The following MFSD8 variants were observed in gnomAD, a reference collection of about 807,000 sequenced individuals.
The protein encoded by MFSD8 is major facilitator superfamily domain containing 8.
A neutral mutation model predicts 66.4 loss-of-function variants in MFSD8; 55 were observed. That is an observed-to-expected ratio of 0.83 (90% CI 0.67 to 1.04). The LOEUF (loss-of-function observed/expected upper bound fraction) is 1.04. MFSD8 is among the 50% of genes least tolerant of loss of function. The pLI is 0.00. For synonymous variants in MFSD8, 202 were observed against 212.8 expected, an observed-to-expected ratio of 0.95 and a Z score of 0.44; for missense variants, 550 against 627.6, an observed-to-expected ratio of 0.88 and a Z score of 1.32.
chr4:127,935,511 A>C (rs1011837248), intron 7 of MFSD8, among the ~76,000 whole-genome samples: 3 of 152,240 alleles, frequency 2.0e-5, no homozygotes, highest in African/African-American at 7.2e-5. Flanking sequence ...AACCTCTTTA[A>C]ATTTGAATAG....
intron 2 of MFSD8, among the ~76,000 whole-genome samples, chr4:127,950,649 C>T (rs900234913): frequency 6.6e-6 from 1 of 151,826 alleles, no homozygotes; most frequent in African/African-American, 2.4e-5. Context: ...GCCAACATCG[C>T]ACCACTGCAC....
At chr4:127,945,158 G>C (rs528886161) in intron 3 of MFSD8, among the ~76,000 whole-genome samples, 20 of 152,174 alleles carry the variant, frequency 1.3e-4, no homozygotes, top group African/African-American at 4.6e-4. Flanking sequence ...TCCAGTCTGG[G>C]CAACATAGGA....
intron 9 of MFSD8, among the ~76,000 whole-genome samples, chr4:127,923,552 T>A (rs995021941): frequency 1.5e-5 from 2 of 130,562 alleles, no homozygotes; most frequent in Non-Finnish European, 3.2e-5. Flanking sequence ...TTTATTTTTA[T>A]TTATTATTAT....
intron 3 of MFSD8, 110 bp downstream of exon 3, chr4:127,949,694 T>C: frequency 1.1e-6 from 1 of 906,004 alleles, no homozygotes; most frequent in Non-Finnish European, 1.7e-6. Flanking sequence ...TCATTATTCT[T>C]GTAAAGATTA....
At chr4:127,928,696 C>G (rs1460002918) in intron 9 of MFSD8, among the ~76,000 whole-genome samples, 2 of 152,096 alleles carry the variant, frequency 1.3e-5, no homozygotes, top group Non-Finnish European at 2.9e-5. Flanking sequence ...TTCCTAAAAA[C>G]TTAAAATGGA....
intron 1 of MFSD8, 74 bp from the exon 2 acceptor site, chr4:127,957,666 T>A: frequency 1.0e-6 from 1 of 997,032 alleles, no homozygotes; most frequent in Non-Finnish European, 1.6e-6. Flanking sequence ...ACAGTTTTAT[T>A]CTCTAGTTAT....
chr4:127,939,919 G>A lies in MFSD8; in HGVS notation c.632C>T (p.Thr211Ile), dbSNP rs925670950. 5.6e-6 allele frequency: 9 copies of A among 1,613,228 alleles called. No individual in the cohort carries two copies. The highest frequency in any genetic ancestry group is 3.3e-5 in the Admixed American group (2 of 59,998). Reference protein sequence around the residue: ...DVIKLQINMYTTPVLLSAFLG... With the variant: ...DVIKLQINMYITPVLLSAFLG... ...GAAGGCGCTAAGTAAAACTGGTGTT[G>A]TATACATGTTTATCTGCAGTTTAAT... Residue 211 changes from threonine to isoleucine, a missense_variant, in exon 6 of 12, where the codon ACA becomes ATA. Transcript: ENST00000641686.
At chr4:127,925,398 A>G (rs1427886618) in intron 9 of MFSD8, among the ~76,000 whole-genome samples, 1 of 152,212 alleles carries the variant, frequency 6.6e-6, no homozygotes, top group Non-Finnish European at 1.5e-5. Flanking sequence ...ATTTACAAGA[A>G]AAAAACAACC....
intron 1 of MFSD8, among the ~76,000 whole-genome samples, chr4:127,958,212 G>A (rs747486912): frequency 3.9e-5 from 6 of 152,128 alleles, no homozygotes; most frequent in African/African-American, 7.2e-5. Flanking sequence ...TTGGATAAGC[G>A]TCTGATCTGG....
rs1342328195 is a variant in MFSD8, at chr4:127,947,534, C to T, written c.198+2270G>A. 4.0e-5 allele frequency among the ~76,000 whole-genome samples: 6 copies of T among 149,088 alleles called. No individual in the cohort carries two copies. The Admixed American group carries it at 4.0e-4, about 10-fold the overall frequency. Reference sequence around the variant, plus strand: ...CAGAGATTGCAGCGCACCAAGATCACGCCACTGCATGCCAGCCAGGGCAAC... The same window carrying T: ...CAGAGATTGCAGCGCACCAAGATCATGCCACTGCATGCCAGCCAGGGCAAC... On this transcript the variant is annotated intron_variant, in intron 3 of 11. Transcript: ENST00000641686.
chr4:127,942,090 C>T lies in MFSD8; in HGVS notation c.508G>A (p.Ala170Thr). The T allele has an allele frequency of 1.2e-6, 2 of 1,613,994 alleles. No homozygotes were observed. Among genetic ancestry groups the T allele is most frequent in the Middle Eastern group, 1.7e-4 (1 of 6,060 alleles). ...AATGCTTGACACATGCTTATGTTTG[C>T]CATGGAACTTGTTCTTTCCTGAAGG... ...TSLQERTSSM[A>T]NISMCQALGF... is the part of the protein sequence containing the mutation. Residue 170 changes from alanine to threonine, a missense_variant, in exon 5 of 12, where the codon GCA becomes ACA. Coordinates refer to ENST00000641686, the MANE Select transcript of MFSD8 (RefSeq NM_001371596.2).
chr4:127,959,097 T>C (rs989420939), intron 1 of MFSD8, among the ~76,000 whole-genome samples: 16 of 152,228 alleles, frequency 1.1e-4, no homozygotes, highest in African/African-American at 3.9e-4. Context: ...GCATTCCCAG[T>C]AGTGGGATGT....
chr4:127,928,155 G>A (rs562361592), intron 9 of MFSD8, among the ~76,000 whole-genome samples: 4 of 152,180 alleles, frequency 2.6e-5, no homozygotes, highest in Admixed American at 1.3e-4. Flanking sequence ...AGGTTGAAGC[G>A]ATTCTCTTGC....
chr4:127,952,205 C>A (rs1467220967), intron 2 of MFSD8, among the ~76,000 whole-genome samples: 1 of 150,726 alleles, frequency 6.6e-6, no homozygotes, highest in African/African-American at 2.4e-5. Context: ...GGCTATCGAG[C>A]CCATCCTGGC....
intron 9 of MFSD8, among the ~76,000 whole-genome samples, chr4:127,930,164 T>C (rs1195202748): frequency 6.6e-6 from 1 of 152,146 alleles, no homozygotes; most frequent in African/African-American, 2.4e-5. Context: ...GAGGATCTCT[T>C]GAGCCCATCA....
chr4:127,936,986 T>C (rs943190857), intron 7 of MFSD8, among the ~76,000 whole-genome samples: 2 of 152,204 alleles, frequency 1.3e-5, no homozygotes, highest in Non-Finnish European at 2.9e-5. Flanking sequence ...TAGCATCCTA[T>C]TTTTTACCTT....
intron 8 of MFSD8, 44 bp downstream of exon 8, chr4:127,932,941 G>A: frequency 6.5e-7 from 1 of 1,533,000 alleles, no homozygotes; most frequent in South Asian, 1.1e-5. Context: ...AGAAATAAAG[G>A]TTAAAACATA....
rs77943161 is a variant in MFSD8, at chr4:127,929,685, T to C, written c.998+998A>G. ...ATAGCGGGAAGGAGGCAATAAACAATAGTTGATTAATAGGTACAAATACAC... is the reference window on the plus strand; with the variant it reads ...ATAGCGGGAAGGAGGCAATAAACAACAGTTGATTAATAGGTACAAATACAC... On this transcript the variant is annotated intron_variant, in intron 9 of 11. Coordinates refer to ENST00000641686, the MANE Select transcript of MFSD8 (RefSeq NM_001371596.2). Among the ~76,000 whole-genome samples the C allele has an allele frequency of 5.2e-3, 786 of 152,046 alleles. 8 individuals are homozygous for C. The highest frequency in any genetic ancestry group is 0.018 in the African/African-American group (758 of 41,476).
intron 8 of MFSD8, among the ~76,000 whole-genome samples, chr4:127,932,062 G>A (rs1451730019): frequency 6.6e-6 from 1 of 152,170 alleles, no homozygotes; most frequent in Admixed American, 6.5e-5. Context: ...AGTGAGCCGT[G>A]ATTGCACCAC....
Sources: gnomAD v4.1 joint callset for allele counts (sites outside exome capture counted in the v4.1 genomes callset) on GRCh38, gnomAD v4.1.1 for gene constraint, MANE v1.5 for transcripts, NCBI Gene and HGNC (gene_info 2026-07-23, HGNC 2026-07-21) for gene names.